ZNF10: variants seen among roughly 807,000 people sequenced by gnomAD.
ZNF10 encodes zinc finger protein 10 (KOX 1).
In ZNF10, 8 loss-of-function variants were observed where a neutral mutation model predicts 12.2. That is an observed-to-expected ratio of 0.66 (90% confidence interval 0.39 to 1.18). The LOEUF is 1.18. ZNF10 is among the 50% of genes most tolerant of loss of function. The pLI, the probability that ZNF10 is intolerant of heterozygous loss-of-function variation, is 0.01. For missense variants in ZNF10, 603 were observed against 678.9 expected (o/e 0.89, Z 1.24); for synonymous variants, 229 against 228.2 (o/e 1.00, Z -0.03).
intron 2 of ZNF10, 46 bp from the exon 3 acceptor site, chr12:133,150,982 G>T: frequency 6.3e-7 from 1 of 1,591,728 alleles, no homozygotes; most frequent in Non-Finnish European, 8.6e-7. Flanking sequence ...AAGGGGGATA[G>T]CAAAGATGCA....
intron 2 of ZNF10, among the ~76,000 whole-genome samples, chr12:133,149,163 C>T (rs1221194149): frequency 6.6e-6 from 1 of 152,018 alleles, no homozygotes; most frequent in Non-Finnish European, 1.5e-5. Flanking sequence ...GCTATCACAG[C>T]TCACTGCAGT....
rs1042584867 is a variant in ZNF10, at chr12:133,159,118, T to C, written c.*2150T>C. ...CGTTGTCATGTGGATTGAGATGATA[T>C]GTATGAATCACATAAAAGAGTGCCT... On this transcript the variant is annotated 3_prime_UTR_variant, in exon 5 of 5. Transcript: ENST00000248211. 2.0e-5 allele frequency: 3 copies of C among 152,248 alleles called. No individual in the cohort carries two copies. The highest frequency in any genetic ancestry group is 6.5e-5 in the Admixed American group (1 of 15,290). The allele number at this position is 152,248 out of a possible 1,614,324, so 9.4% of individuals were successfully genotyped here. A position where few individuals can be genotyped will look rare whatever the true frequency, so the allele number is the denominator to read the frequency against.
chr12:133,151,882 A>T lies in ZNF10; in HGVS notation c.234A>T (p.Glu78Asp), dbSNP rs1956010308. 1.2e-5 allele frequency: 20 copies of T among 1,613,350 alleles called. No individual in the cohort carries two copies. The highest frequency in any genetic ancestry group is 1.5e-5 in the Non-Finnish European group (18 of 1,179,488). ...KGEEPWLVEREIHQETHPDSE... is the reference protein window; with the variant it reads ...KGEEPWLVERDIHQETHPDSE... ...AAGAGCCCTGGCTGGTGGAGAGAGA[A>T]ATTCACCAAGAGACCCATCCTGGTG... Residue 78 changes from glutamate to aspartate, a missense_variant, in exon 4 of 5, where the codon GAA (glutamate) becomes GAT (aspartate). By Grantham distance (45) the Glu-to-Asp change is conservative. Transcript: ENST00000248211.
At chr12:133,134,821 T>TTCC (rs1955901934) in intron 1 of ZNF10, among the ~76,000 whole-genome samples, 1 of 110,586 alleles carries the variant, frequency 9.0e-6, no homozygotes, top group Non-Finnish European at 2.0e-5. Context: ...TATAGTCTTC[T>TTCC]AGGAGATTTT....
In ZNF10 at chr12:133,156,680, G is replaced by A. The variant is rs1956044357; in HGVS notation, c.1434G>A (p.Val478=). ...TCAGCCAGAGTTCTGCCCTTATTGT[G>A]CATCAGAGGATACACACTGGAGAGA... ...KSFSQSSALI[V]HQRIHTGEKP... Residue 478 remains valine, a synonymous_variant, in exon 5 of 5, where the codon GTG becomes GTA. Coordinates refer to ENST00000248211, the MANE Select transcript of ZNF10 (RefSeq NM_015394.5). 6.2e-7 allele frequency: 1 copy of A among 1,613,998 alleles called. No individual in the cohort carries two copies. The highest frequency in any genetic ancestry group is 8.5e-7 in the Non-Finnish European group (1 of 1,179,978).
chr12:133,155,144 C>G (rs1486783431), intron 4 of ZNF10, among the ~76,000 whole-genome samples: 5 of 151,630 alleles, frequency 3.3e-5, no homozygotes, highest in Non-Finnish European at 5.9e-5. Context: ...AGGGGAAAGT[C>G]CTGACAACAA....
intron 2 of ZNF10, among the ~76,000 whole-genome samples, chr12:133,150,568 G>GT (rs756080370): frequency 0.023 from 3,108 of 133,636 alleles, 67 homozygotes; most frequent in African/African-American, 0.065. Flanking sequence ...CAACTCTTCT[G>GT]TTTTTTTTTT....
chr12:133,152,946 T>G (rs1275845636), intron 4 of ZNF10, among the ~76,000 whole-genome samples: 1 of 152,174 alleles, frequency 6.6e-6, no homozygotes, highest in Admixed American at 6.5e-5. Flanking sequence ...TAAGCTCTTT[T>G]TTACTTTTTA....
intron 1 of ZNF10, among the ~76,000 whole-genome samples, chr12:133,140,157 C>T (rs1325141347): frequency 2.9e-5 from 4 of 136,320 alleles, no homozygotes; most frequent in East Asian, 2.3e-4. Flanking sequence ...GAGCTGTGTT[C>T]GTGCCACTGT....
rs988636700 is a variant in ZNF10 at position 133,138,325 on chromosome 12, T to G, written c.-59-6109T>G. 1.1e-4 allele frequency among the ~76,000 whole-genome samples: 16 copies of G among 139,972 alleles called. 1 individual carries two copies. Among genetic ancestry groups the G allele is most frequent in the Admixed American group, 1.1e-3 (16 of 14,312 alleles). The allele number at this position is 139,972 out of a possible 152,430, so 91.8% of individuals were successfully genotyped here. A position where few individuals can be genotyped will look rare whatever the true frequency, so the allele number is the denominator to read the frequency against. On this transcript the variant is annotated intron_variant, in intron 1 of 4. Coordinates refer to ENST00000248211, the MANE Select transcript of ZNF10 (RefSeq NM_015394.5). ...AACCAGAAGCCTTACTGTAGTTTTG[T>G]TTTTTTTTTAATGAGATCCTATTGA... is the stretch of plus-strand genomic sequence containing the variant.
chr12:133,152,573 G>A (rs1180873254), intron 4 of ZNF10, among the ~76,000 whole-genome samples: 1 of 151,994 alleles, frequency 6.6e-6, no homozygotes, highest in African/African-American at 2.4e-5. Flanking sequence ...GCACCACCAC[G>A]CCCAGCTAAT....
intron 1 of ZNF10, among the ~76,000 whole-genome samples, chr12:133,131,231 A>G (rs1955873348): frequency 6.6e-6 from 1 of 152,054 alleles, no homozygotes; most frequent in Non-Finnish European, 1.5e-5. Context: ...TTTTAATCAG[A>G]TAGATTAACT....
chr12:133,141,470 C>T (rs1411041143), intron 1 of ZNF10, among the ~76,000 whole-genome samples: 1 of 151,950 alleles, frequency 6.6e-6, no homozygotes, highest in East Asian at 1.9e-4. Context: ...AACTGTATTT[C>T]GTATTGCTAA....
At chr12:133,132,678 G>C (rs942913947) in intron 1 of ZNF10, among the ~76,000 whole-genome samples, 1 of 152,210 alleles carries the variant, frequency 6.6e-6, no homozygotes, top group African/African-American at 2.4e-5. Flanking sequence ...GTTGGGACAA[G>C]ATATGATATA....
chr12:133,156,094 A>T lies in ZNF10; in HGVS notation c.848A>T (p.His283Leu). Residue 283 changes from histidine (H) to leucine (L), a missense_variant, in exon 5 of 5, where the codon CAT becomes CTT. Transcript: ENST00000248211. Reference protein sequence around the residue: ...FFSWRSNLTRHQLIHTGEKPY... With the variant: ...FFSWRSNLTRLQLIHTGEKPY... ...AGCTGGCGCTCTAATCTTACTAGGCATCAGCTTATTCATACTGGAGAAAAA... is the reference window on the plus strand; with the variant it reads ...AGCTGGCGCTCTAATCTTACTAGGCTTCAGCTTATTCATACTGGAGAAAAA... 1 of 1,613,544 alleles carries T rather than the reference A, an allele frequency of 6.2e-7. No homozygotes were observed. Among genetic ancestry groups the T allele is most frequent in the Non-Finnish European group, 8.5e-7 (1 of 1,180,012 alleles).
Position 133,144,416 on chromosome 12 carries a change from T to C in ZNF10, c.-59-18T>C. On this transcript the variant is annotated intron_variant, in intron 1 of 4. Transcript: ENST00000248211. ...CCAGTCATAGCAAACTTAACTTATG[T>C]TTCTTTCTTTTTCCCAGCTTTGTCT... 2.6e-6 allele frequency: 4 copies of C among 1,512,036 alleles called. No individual in the cohort carries two copies. In the South Asian group the frequency reaches 4.7e-5, roughly 18 times the overall value. 93.7% of individuals were successfully genotyped at this position (1,512,036 alleles called of 1,614,324 possible). A position where few individuals can be genotyped will look rare whatever the true frequency, so the allele number is the denominator to read the frequency against.
intron 1 of ZNF10, among the ~76,000 whole-genome samples, chr12:133,134,937 G>A (rs552074018): frequency 4.6e-5 from 7 of 152,178 alleles, no homozygotes; most frequent in African/African-American, 1.2e-4. Context: ...TTTTCTCATC[G>A]TTGTTCCAGT....
At chr12:133,153,740 A>C (rs1956022251) in intron 4 of ZNF10, among the ~76,000 whole-genome samples, 1 of 152,172 alleles carries the variant, frequency 6.6e-6, no homozygotes, top group Admixed American at 6.5e-5. Flanking sequence ...GTAACAAAGA[A>C]CCAGCAGTTA....
chr12:133,148,226 T>G (rs553606328), intron 2 of ZNF10, among the ~76,000 whole-genome samples: 2 of 152,268 alleles, frequency 1.3e-5, no homozygotes, highest in African/African-American at 4.8e-5. Flanking sequence ...GTCGAAGCGA[T>G]TCTCATGCCT....
Sources: gnomAD v4.1 joint callset for allele counts (sites outside exome capture counted in the v4.1 genomes callset) on GRCh38, gnomAD v4.1.1 for gene constraint, MANE v1.5 for transcripts, NCBI Gene and HGNC (gene_info 2026-07-23, HGNC 2026-07-21) for gene names.